The following AGBL4 variants were observed in gnomAD, a reference collection of about 807,000 sequenced individuals.
AGBL4 encodes the protein AGBL carboxypeptidase 4.
A neutral mutation model predicts 66.4 loss-of-function variants in AGBL4; 58 were observed. The ratio of observed to expected loss-of-function variants is 0.87; its 90% CI spans 0.71 to 1.09. AGBL4 has a LOEUF of 1.09. Ranked by LOEUF, AGBL4 falls within the 50% of genes least tolerant of loss-of-function variation. AGBL4 has a pLI of 0.00. For missense variants in AGBL4, 579 were observed against 631.0 expected, an observed-to-expected ratio of 0.92 and a Z score of 0.88; for synonymous variants, 234 against 222.9, an observed-to-expected ratio of 1.05 and a Z score of -0.44.
chr1:49,220,953 C>G (rs1426616640), intron 4 of AGBL4, among the ~76,000 whole-genome samples: 1 of 152,062 alleles, frequency 6.6e-6, no homozygotes, highest in Non-Finnish European at 1.5e-5. Context: ...CATGAGGGTT[C>G]CTTTGTCTGC....
chr1:49,697,127 C>A, intron 3 of AGBL4, 186 bp downstream of exon 3: 2 of 527,800 alleles, frequency 3.8e-6, no homozygotes, highest in South Asian at 3.8e-5. Flanking sequence ...ATTTAATAAC[C>A]ATCAGATAAC....
At chr1:49,528,314 G>A (rs1650830758) in intron 3 of AGBL4, among the ~76,000 whole-genome samples, 1 of 151,956 alleles carries the variant, frequency 6.6e-6, no homozygotes, top group Non-Finnish European at 1.5e-5. Flanking sequence ...ATAAACTCTT[G>A]TTTTTTTCAA....
chr1:49,139,286 A>G (rs888987864), intron 4 of AGBL4, among the ~76,000 whole-genome samples: 18 of 152,284 alleles, frequency 1.2e-4, no homozygotes, highest in Non-Finnish European at 2.5e-4. Flanking sequence ...AAACCTCACA[A>G]TCACCTTGGA....
At chr1:49,599,511 CTTT>C (rs57696986) in intron 3 of AGBL4, among the ~76,000 whole-genome samples, 2,798 of 151,876 alleles carry the variant, frequency 0.018, 80 homozygotes, top group African/African-American at 0.064. Context: ...CTCTTTTCTT[CTTT>C]ATTAGTATGG....
At chr1:49,645,840 G>A (rs1645876704) in intron 3 of AGBL4, among the ~76,000 whole-genome samples, 2 of 148,156 alleles carry the variant, frequency 1.3e-5, no homozygotes, top group Middle Eastern at 7.3e-3. Context: ...TAATGGCTAA[G>A]TATGGAATGC....
intron 2 of AGBL4, among the ~76,000 whole-genome samples, chr1:49,767,817 A>G (rs1643930161): frequency 6.6e-6 from 1 of 152,080 alleles, no homozygotes; most frequent in Admixed American, 6.5e-5. Flanking sequence ...TATTATAAAC[A>G]TCTCTATGCA....
At chr1:48,595,130 A>T in intron 9 of AGBL4, among the ~76,000 whole-genome samples, 1 of 152,218 alleles carries the variant, frequency 6.6e-6, no homozygotes, top group East Asian at 1.9e-4. Context: ...GCCTTATTTT[A>T]TCCCTCAGGC....
chr1:49,401,305 C>A (rs1645080940), intron 3 of AGBL4, among the ~76,000 whole-genome samples: 1 of 152,126 alleles, frequency 6.6e-6, no homozygotes, highest in East Asian at 1.9e-4. Context: ...ATGGGAGAAA[C>A]AACCTCTGTG....
At chr1:49,450,986 G>A (rs1570747109) in intron 3 of AGBL4, among the ~76,000 whole-genome samples, 3 of 152,036 alleles carry the variant, frequency 2.0e-5, no homozygotes, top group South Asian at 4.2e-4. Flanking sequence ...TCTCTACTCA[G>A]AGTATCACAA....
At chr1:48,854,568 G>A (rs1177971979) in intron 6 of AGBL4, among the ~76,000 whole-genome samples, 1 of 152,172 alleles carries the variant, frequency 6.6e-6, no homozygotes, top group African/African-American at 2.4e-5. Context: ...TGGCCACAGA[G>A]ATAGTCACTG....
intron 9 of AGBL4, among the ~76,000 whole-genome samples, chr1:48,616,491 A>G (rs1012140753): frequency 5.3e-5 from 8 of 152,236 alleles, no homozygotes; most frequent in Non-Finnish European, 1.0e-4. Context: ...GAGATGAAGC[A>G]CAGCGCACTG....
intron 3 of AGBL4, among the ~76,000 whole-genome samples, chr1:49,572,912 G>A (rs1248745764): frequency 6.6e-6 from 1 of 152,040 alleles, no homozygotes; most frequent in East Asian, 1.9e-4. Context: ...AACATAAAGT[G>A]GGCAGAAAAA....
intron 3 of AGBL4, among the ~76,000 whole-genome samples, chr1:49,326,916 T>A (rs1645239001): frequency 6.6e-6 from 1 of 152,194 alleles, no homozygotes; most frequent in African/African-American, 2.4e-5. Flanking sequence ...CATTATTACA[T>A]TGCTTCTGGG....
chr1:49,862,323 G>A (rs1212568898), intron 1 of AGBL4, among the ~76,000 whole-genome samples: 1 of 144,658 alleles, frequency 6.9e-6, no homozygotes, highest in African/African-American at 2.6e-5. Flanking sequence ...TGAGTTTGAA[G>A]ACAGGTTATT....
intron 6 of AGBL4, among the ~76,000 whole-genome samples, chr1:48,778,177 ATCC>A (rs1645187044): frequency 1.3e-5 from 2 of 151,962 alleles, no homozygotes; most frequent in Non-Finnish European, 2.9e-5. Flanking sequence ...CCATCCATCC[ATCC>A]AACCATCCAT....
At chr1:49,687,565 A>G (rs1646810062) in intron 3 of AGBL4, among the ~76,000 whole-genome samples, 1 of 152,086 alleles carries the variant, frequency 6.6e-6, no homozygotes, top group Non-Finnish European at 1.5e-5. Flanking sequence ...TGAGCTCAGG[A>G]GTTCAAGACC....
rs117075171 is a variant in AGBL4 at position 48,849,573 on chromosome 1, A to G, written c.634+17618T>C. 5.5e-4 allele frequency among the ~76,000 whole-genome samples: 84 copies of G among 151,766 alleles called. 1 individual carries two copies. The East Asian group carries it at 0.013, about 23-fold the overall frequency. On this transcript the variant is annotated intron_variant, in intron 6 of 13. Transcript: ENST00000371839. Reference sequence around the variant, plus strand: ...ACCTCTCCTTTGCTTCTTACCATCTACTCCTCACTCCCACCTTCACTGCTT... The same window carrying G: ...ACCTCTCCTTTGCTTCTTACCATCTGCTCCTCACTCCCACCTTCACTGCTT...
At chr1:49,063,227 A>G (rs1644433793) in intron 4 of AGBL4, among the ~76,000 whole-genome samples, 1 of 152,168 alleles carries the variant, frequency 6.6e-6, no homozygotes, top group South Asian at 2.1e-4. Context: ...GCACACTTTT[A>G]TAGAGATAGA....
intron 6 of AGBL4, among the ~76,000 whole-genome samples, chr1:48,834,648 G>T (rs577228494): frequency 3.9e-5 from 6 of 152,098 alleles, no homozygotes; most frequent in African/African-American, 9.7e-5. Context: ...CCTCACCAAG[G>T]CACCTTGATC....
Sources: allele counts gnomAD v4.1 joint callset (sites outside exome capture counted in the v4.1 genomes callset), GRCh38; gene constraint gnomAD v4.1.1; transcripts MANE v1.5; gene names NCBI Gene and HGNC (gene_info 2026-07-23, HGNC 2026-07-21).